The following BAG3 variants were observed in gnomAD, a reference collection of about 807,000 sequenced individuals.
BAG3 encodes BAG cochaperone 3.
BAG3 carries 14 observed loss-of-function variants against 40.5 expected under a neutral mutation model. That is an observed-to-expected ratio of 0.35 (90% CI 0.23 to 0.54). BAG3 has a LOEUF of 0.54. BAG3 is among the 20% of genes least tolerant of loss of function. The probability of loss-of-function intolerance (pLI) is 0.91; values close to 1 mark genes in which losing one functional copy is unlikely to be tolerated. For missense variants in BAG3, 788 were observed against 758.6 expected, an observed-to-expected ratio of 1.04 and a Z score of -0.46; for synonymous variants, 302 against 307.8, an observed-to-expected ratio of 0.98 and a Z score of 0.20.
At chr10:119,656,860 C>T (rs1271532110) in intron 1 of BAG3, among the ~76,000 whole-genome samples, 2 of 152,102 alleles carry the variant, frequency 1.3e-5, no homozygotes, top group East Asian at 3.8e-4. Flanking sequence ...CTCACCAGCT[C>T]TTTGAACTAG....
chr10:119,653,387 C>T (rs1846869855), intron 1 of BAG3, among the ~76,000 whole-genome samples: 1 of 152,128 alleles, frequency 6.6e-6, no homozygotes. Flanking sequence ...TATTTTGAAG[C>T]CTTCTTCCTG....
In BAG3 at chr10:119,672,526, TGCGGGCGGCATCCCC is replaced by T. The variant is rs1847166370; in HGVS notation, c.781_795del (p.Arg261_Pro265del). The T allele has an allele frequency of 2.7e-5, 44 of 1,613,798 alleles. No homozygotes were observed. In the East Asian group the frequency reaches 9.8e-4, roughly 36 times the overall value. The stretch of plus-strand genomic sequence containing the variant: ...GGGGATGACTGGGAGCCCCGGCCCC[TGCGGGCGGCATCCCC>T]GTTCAGGTCATCTGTCCAGGGTGCA... On this transcript the variant is annotated inframe_deletion, in exon 3 of 4. Transcript: ENST00000369085. This position sits in a 1 kb window ranked among gnomAD's most constrained non-coding sequence, Gnocchi z 4.8.
At chr10:119,655,843 T>C (rs1032482581) in intron 1 of BAG3, among the ~76,000 whole-genome samples, 1 of 150,174 alleles carries the variant, frequency 6.7e-6, no homozygotes, top group African/African-American at 2.5e-5. Context: ...TTTTGTAGGG[T>C]AGATTTGCCC....
rs79595851 is a variant in BAG3, at chr10:119,654,053, G to T, written c.180+2198G>T. Among the ~76,000 whole-genome samples, 135 of 152,310 alleles carry T rather than the reference G, an allele frequency of 8.9e-4. 1 individual carries two copies. In the East Asian group the frequency reaches 0.02, roughly 22 times the overall value. ...TCAGCATGGCACCAAAACTTAAGGA[G>T]AAAACTAACATTCAGCCCATGAGCT... On this transcript the variant is annotated intron_variant, in intron 1 of 3. Transcript: ENST00000369085.
intron 1 of BAG3, among the ~76,000 whole-genome samples, chr10:119,659,287 G>T (rs184086989): frequency 1.3e-4 from 19 of 151,038 alleles, no homozygotes; most frequent in Admixed American, 1.1e-3. Context: ...TAGAGCGCTG[G>T]CTTTACTCAG....
intron 1 of BAG3, among the ~76,000 whole-genome samples, chr10:119,666,637 G>A (rs1251101944): frequency 2.0e-5 from 1 of 50,644 alleles, no homozygotes; most frequent in African/African-American, 7.5e-5. Flanking sequence ...TGGCTCAAGG[G>A]CTTTCTGGAT....
chr10:119,651,930 G>T, intron 1 of BAG3, 75 bp downstream of exon 1: 1 of 1,229,410 alleles, frequency 8.1e-7, no homozygotes, highest in Non-Finnish European at 1.0e-6. Context: ...GGCTGGGCCG[G>T]GGGGACGCGA....
Position 119,672,222 on chromosome 10 carries a change from G to C in BAG3, c.508-33G>C. Reference sequence around the variant, plus strand: ...ATGCCAAGCCAGGGGAGTCATTTGTGGGGTCATGCCCTCTACCCTGTGTCT... The same window carrying C: ...ATGCCAAGCCAGGGGAGTCATTTGTCGGGTCATGCCCTCTACCCTGTGTCT... On this transcript the variant is annotated intron_variant, in intron 2 of 3. Coordinates refer to ENST00000369085, the MANE Select transcript of BAG3 (RefSeq NM_004281.4). The surrounding 1 kb of genome is among the most constrained non-coding windows in gnomAD (Gnocchi z 4.8). 1 of 1,610,030 alleles carries C rather than the reference G, an allele frequency of 6.2e-7. No individual in the cohort carries two copies. Among genetic ancestry groups the C allele is most frequent in the Non-Finnish European group, 8.5e-7 (1 of 1,179,972 alleles).
chr10:119,665,118 GTGTGTGTGTA>G (rs1327402170), intron 1 of BAG3, among the ~76,000 whole-genome samples: 5 of 79,342 alleles, frequency 6.3e-5, no homozygotes, highest in African/African-American at 1.8e-4. Flanking sequence ...GTGTGTGTGT[GTGTGTGTGTA>G]TATATATATA....
Position 119,676,721 on chromosome 10 carries a change from T to G in BAG3, c.1167T>G (p.Ser389Arg), listed in dbSNP as rs777587890. 6.2e-6 allele frequency: 10 copies of G among 1,613,780 alleles called. No individual in the cohort carries two copies. The South Asian group carries it at 1.1e-4, about 18-fold the overall frequency. The change falls in exon 4 of 4, where the codon AGT becomes AGG. Residue 389 changes from serine to arginine, a missense_variant. Physicochemically the swap from Ser to Arg is moderately radical, Grantham distance 110. Transcript: ENST00000369085. Reference sequence around the variant, plus strand: ...CTGCTGTCCCCTCTTCCCCCAAGAGTGTGGCTACAGAAGAGAGGGCAGCCC... The same window carrying G: ...CTGCTGTCCCCTCTTCCCCCAAGAGGGTGGCTACAGAAGAGAGGGCAGCCC... ...GPSAVPSSPK[S>R]VATEERAAPS...
In BAG3 at chr10:119,676,976, C is replaced by G. The variant is rs727505000; in HGVS notation, c.1422C>G (p.Ala474=). 2 of 1,614,120 alleles carry G rather than the reference C, an allele frequency of 1.2e-6. No homozygotes were observed. The highest frequency in any genetic ancestry group is 2.2e-5 in the South Asian group (2 of 91,074). ...ALDSVDPEGR[A]DVRQARRDGV... is the part of the protein sequence containing the mutation. ...ATTCAGTGGACCCCGAGGGACGAGC[C>G]GATGTGCGTCAGGCCAGGAGAGACG... Residue 474 remains alanine (A), a synonymous_variant, in exon 4 of 4, where the codon GCC becomes GCG. Coordinates refer to ENST00000369085, the MANE Select transcript of BAG3 (RefSeq NM_004281.4).
chr10:119,668,569 C>T (rs189102173), intron 1 of BAG3, among the ~76,000 whole-genome samples: 5 of 152,322 alleles, frequency 3.3e-5, no homozygotes, highest in Non-Finnish European at 5.9e-5. Flanking sequence ...ACTTCTGTTG[C>T]GCAGCCCAGC....
At chr10:119,666,424 T>A (rs1346520833) in intron 1 of BAG3, among the ~76,000 whole-genome samples, 3 of 152,160 alleles carry the variant, frequency 2.0e-5, no homozygotes, top group Non-Finnish European at 4.4e-5. Context: ...TCTGGAAAGG[T>A]TGAATATTGG....
intron 1 of BAG3, among the ~76,000 whole-genome samples, chr10:119,653,595 A>G (rs1156849248): frequency 6.6e-6 from 1 of 152,218 alleles, no homozygotes; most frequent in Non-Finnish European, 1.5e-5. Flanking sequence ...TTTAGTTACC[A>G]TTATTCTTGT....
intron 1 of BAG3, chr10:119,657,543 A>G (rs1443226078): frequency 8.5e-6 from 4 of 471,190 alleles, no homozygotes; most frequent in Middle Eastern, 3.3e-4. Flanking sequence ...AGGCAGATAC[A>G]GAAGAGCTGC....
At chr10:119,662,098 A>G (rs1846999364) in intron 1 of BAG3, among the ~76,000 whole-genome samples, 1 of 151,660 alleles carries the variant, frequency 6.6e-6, no homozygotes. Context: ...CCCAGGCTGG[A>G]GTGCAATGGC....
intron 1 of BAG3, among the ~76,000 whole-genome samples, chr10:119,657,083 T>C (rs1846924034): frequency 6.6e-6 from 1 of 152,188 alleles, no homozygotes; most frequent in South Asian, 2.1e-4. Context: ...TAAACAGCCC[T>C]GAGTCCATCT....
chr10:119,665,670 T>C (rs976047707), intron 1 of BAG3, among the ~76,000 whole-genome samples: 3 of 152,222 alleles, frequency 2.0e-5, no homozygotes, highest in Non-Finnish European at 1.5e-5. Context: ...GGCATCAGCA[T>C]TCCTGGCATA....
At chr10:119,663,279 C>T (rs1259176416) in intron 1 of BAG3, among the ~76,000 whole-genome samples, 1 of 151,364 alleles carries the variant, frequency 6.6e-6, no homozygotes, top group Non-Finnish European at 1.5e-5. Flanking sequence ...TCCTTCTCTT[C>T]ATTTGTTTTT....
Sources: gnomAD v4.1 joint callset for allele counts (sites outside exome capture counted in the v4.1 genomes callset) on GRCh38, gnomAD v4.1.1 for gene constraint, Gnocchi (gnomAD v3.1) non-coding constraint, MANE v1.5 for transcripts, NCBI Gene and HGNC (gene_info 2026-07-23, HGNC 2026-07-21) for gene names.